The following DLG2 variants were observed in gnomAD, a reference collection of about 807,000 sequenced individuals.
DLG2 encodes the protein disks large homolog 2.
Under a neutral mutation model 132.5 loss-of-function variants are expected in DLG2, and 45 were observed. The observed-to-expected ratio is 0.34, with a 90% CI of 0.27 to 0.44. DLG2 has a LOEUF of 0.44. Ranked by LOEUF, DLG2 falls within the 20% of genes least tolerant of loss-of-function variation. The pLI, the probability that DLG2 is intolerant of heterozygous loss-of-function variation, is 1.00. For synonymous variants in DLG2, 424 were observed against 419.6 expected, an observed-to-expected ratio of 1.01 and a Z score of -0.13; for missense variants, 1,045 against 1,196.9, an observed-to-expected ratio of 0.87 and a Z score of 1.87.
intron 2 of DLG2, among the ~76,000 whole-genome samples, chr11:85,604,475 T>G (rs986796672): frequency 5.9e-5 from 9 of 152,180 alleles, no homozygotes; most frequent in Non-Finnish European, 1.2e-4. Context: ...CTCCATAAAT[T>G]GAATAAAGTG....
At chr11:83,794,261 T>C (rs1329915188) in intron 17 of DLG2, among the ~76,000 whole-genome samples, 1 of 152,188 alleles carries the variant, frequency 6.6e-6, no homozygotes, top group Non-Finnish European at 1.5e-5. Flanking sequence ...GCAAACATGT[T>C]CTTCTCCAGT....
chr11:85,404,664 G>T (rs1454565060), intron 3 of DLG2, among the ~76,000 whole-genome samples: 1 of 151,906 alleles, frequency 6.6e-6, no homozygotes, highest in Non-Finnish European at 1.5e-5. Flanking sequence ...CAAGAGAAAA[G>T]AGATTATCAA....
chr11:84,250,567 C>T (rs1393517338), intron 8 of DLG2, among the ~76,000 whole-genome samples: 1 of 152,188 alleles, frequency 6.6e-6, no homozygotes, highest in Non-Finnish European at 1.5e-5. Flanking sequence ...CGCCCACTCA[C>T]AAAGCCTTGT....
At chr11:85,397,286 C>T (rs956687797) in intron 3 of DLG2, among the ~76,000 whole-genome samples, 3 of 152,136 alleles carry the variant, frequency 2.0e-5, no homozygotes, top group African/African-American at 4.8e-5. Flanking sequence ...AAGCACCAAA[C>T]ATGGAAAGGA....
intron 7 of DLG2, among the ~76,000 whole-genome samples, chr11:84,493,873 G>A (rs189518899): frequency 1.3e-5 from 2 of 152,236 alleles, no homozygotes; most frequent in East Asian, 3.9e-4. Context: ...TCAGGAACAT[G>A]CCATCTGAAA....
intron 7 of DLG2, among the ~76,000 whole-genome samples, chr11:84,422,046 A>T (rs960977734): frequency 6.6e-6 from 1 of 152,220 alleles, no homozygotes; most frequent in African/African-American, 2.4e-5. Context: ...GTCATGCTAT[A>T]TGGTCGTCCA....
Position 85,462,460 on chromosome 11 carries a change from AC to A in DLG2, c.40+136196del, listed in dbSNP as rs1404601367. On this transcript the variant is annotated intron_variant, in intron 3 of 27. Transcript: ENST00000376104. ...ATGTGGCACACATACACCAGGGAAT[AC>A]TATGCAGCCATAAAAAATGATGAGT... Among the ~76,000 whole-genome samples, 7 of 152,342 alleles carry A rather than the reference AC, an allele frequency of 4.6e-5. No homozygotes were observed. The South Asian group carries it at 1.4e-3, about 32-fold the overall frequency.
At chr11:85,421,285 A>C (rs2090287129) in intron 3 of DLG2, among the ~76,000 whole-genome samples, 1 of 151,532 alleles carries the variant, frequency 6.6e-6, no homozygotes, top group African/African-American at 2.4e-5. Flanking sequence ...CCACTGTTTA[A>C]CCAGTCCCAA....
chr11:83,745,027 C>G (rs1219631976), intron 18 of DLG2, among the ~76,000 whole-genome samples: 1 of 152,196 alleles, frequency 6.6e-6, no homozygotes, highest in Admixed American at 6.6e-5. Flanking sequence ...TACCTGTCAT[C>G]AGCAATTAGC....
At chr11:85,240,779 G>T (rs1389958352) in intron 4 of DLG2, among the ~76,000 whole-genome samples, 1 of 151,598 alleles carries the variant, frequency 6.6e-6, no homozygotes, top group Non-Finnish European at 1.5e-5. Context: ...CCAGTAGCAT[G>T]GTGTCTTATT....
At chr11:84,013,158 T>C (rs1457199431) in intron 11 of DLG2, among the ~76,000 whole-genome samples, 1 of 152,146 alleles carries the variant, frequency 6.6e-6, no homozygotes, top group African/African-American at 2.4e-5. Context: ...CAAAGCTGTT[T>C]AATTGCAGAA....
At chr11:85,250,336 T>G (rs2076337290) in intron 4 of DLG2, among the ~76,000 whole-genome samples, 1 of 152,204 alleles carries the variant, frequency 6.6e-6, no homozygotes, top group Non-Finnish European at 1.5e-5. Flanking sequence ...TGTCACCCAC[T>G]GCTCTAGGTT....
chr11:84,679,930 C>A (rs774318619), intron 6 of DLG2, among the ~76,000 whole-genome samples: 1 of 152,076 alleles, frequency 6.6e-6, no homozygotes, highest in Non-Finnish European at 1.5e-5. Context: ...ACTATTACAG[C>A]CACACTTTCT....
chr11:83,669,819 T>C (rs182128823), intron 18 of DLG2, among the ~76,000 whole-genome samples: 32 of 152,330 alleles, frequency 2.1e-4, no homozygotes, highest in Admixed American at 9.8e-4. Flanking sequence ...AAGCACTAAA[T>C]GAATACTTTC....
intron 11 of DLG2, among the ~76,000 whole-genome samples, chr11:84,018,928 A>G (rs180982529): frequency 3.3e-4 from 50 of 152,160 alleles, no homozygotes; most frequent in South Asian, 1.0e-3. Flanking sequence ...AACATAAAGG[A>G]ATAGATGAAA....
At chr11:83,761,609 C>T (rs888675923) in intron 18 of DLG2, among the ~76,000 whole-genome samples, 4 of 151,984 alleles carry the variant, frequency 2.6e-5, no homozygotes, top group Non-Finnish European at 5.9e-5. Flanking sequence ...TTCCCATTAC[C>T]CCCAACATCA....
chr11:85,289,283 AC>A (rs2078746686), intron 3 of DLG2, among the ~76,000 whole-genome samples: 1 of 152,004 alleles, frequency 6.6e-6, no homozygotes, highest in South Asian at 2.1e-4. Flanking sequence ...CTCTTTCCTC[AC>A]CACCAGCACC....
chr11:85,540,142 G>C (rs1263471173), intron 3 of DLG2, among the ~76,000 whole-genome samples: 3 of 152,212 alleles, frequency 2.0e-5, no homozygotes, highest in Non-Finnish European at 4.4e-5. Context: ...GCTGGGTAGA[G>C]AAGGCCAGGG....
At chr11:85,391,188 G>C (rs1246061126) in intron 3 of DLG2, among the ~76,000 whole-genome samples, 1 of 151,936 alleles carries the variant, frequency 6.6e-6, no homozygotes, top group Non-Finnish European at 1.5e-5. Context: ...AAAACCTAGA[G>C]GACATGGATA....
Sources: allele counts gnomAD v4.1 joint callset (sites outside exome capture counted in the v4.1 genomes callset), GRCh38; gene constraint gnomAD v4.1.1; transcripts MANE v1.5; gene names NCBI Gene and HGNC (gene_info 2026-07-23, HGNC 2026-07-21).